ATP11A: variants seen among roughly 807,000 people sequenced by gnomAD.
ATP11A encodes phospholipid-transporting ATPase IH.
ATP11A carries 81 observed loss-of-function variants against 154.4 expected under a neutral mutation model. The ratio of observed to expected loss-of-function variants is 0.52; its 90% CI spans 0.44 to 0.63. The LOEUF (loss-of-function observed/expected upper bound fraction) is 0.63. ATP11A is among the 30% of genes least tolerant of loss of function. The pLI, the probability that ATP11A is intolerant of heterozygous loss-of-function variation, is 0.00. For synonymous variants in ATP11A, 623 were observed against 585.9 expected, an observed-to-expected ratio of 1.06 and a Z score of -0.91; for missense variants, 1,316 against 1,474.3, an observed-to-expected ratio of 0.89 and a Z score of 1.76.
chr13:112,805,087 C>A, intron 3 of ATP11A, 41 bp downstream of exon 3: 1 of 1,438,918 alleles, frequency 6.9e-7, no homozygotes. Context: ...ACATATAAAT[C>A]TAAATAAGTG....
In ATP11A at chr13:112,851,631, C is replaced by G. The variant is rs566056219; in HGVS notation, c.1991+413C>G. The G allele has an allele frequency of 1.9e-5, 3 of 155,542 alleles. No individual in the cohort carries two copies. In the South Asian group the frequency reaches 6.0e-4, roughly 31 times the overall value. The allele number at this position is 155,542 out of a possible 1,614,324, so 9.6% of individuals were successfully genotyped here. A position where few individuals can be genotyped will look rare whatever the true frequency, so the allele number is the denominator to read the frequency against. ...AAAACTCCTAGGCTCAAGCTGTCCT[C>G]CCTTCTCAGCCTCCTGAGTAGCTAG... On this transcript the variant is annotated intron_variant, in intron 18 of 29. Transcript: ENST00000375645.
intron 2 of ATP11A, among the ~76,000 whole-genome samples, chr13:112,795,400 A>G (rs1211687143): frequency 1.3e-5 from 2 of 152,178 alleles, no homozygotes; most frequent in Admixed American, 1.3e-4. Context: ...AACTTTCAAA[A>G]CCATAGAGAG....
chr13:112,873,215 G>T (rs2080594329), intron 26 of ATP11A, among the ~76,000 whole-genome samples: 2 of 145,836 alleles, frequency 1.4e-5, no homozygotes, highest in African/African-American at 2.7e-5. Context: ...TTGTCTTCCT[G>T]AGTGGTGTGA....
At chr13:112,820,926 G>T (rs1350319160) in intron 8 of ATP11A, among the ~76,000 whole-genome samples, 1 of 152,204 alleles carries the variant, frequency 6.6e-6, no homozygotes, top group African/African-American at 2.4e-5. Flanking sequence ...TTAGCTCCTT[G>T]TAAGTCTCCA....
intron 28 of ATP11A, among the ~76,000 whole-genome samples, chr13:112,876,399 C>CA (rs1241445114): frequency 6.6e-6 from 1 of 151,972 alleles, no homozygotes; most frequent in Non-Finnish European, 1.5e-5. Flanking sequence ...CCAGGGAAGA[C>CA]GTGACGATGC....
At position 112,769,820 on chromosome 13, in the gene ATP11A, G is replaced by T. The variant is rs1594622652; in HGVS notation, c.40-15315G>T. 2.6e-5 allele frequency among the ~76,000 whole-genome samples: 4 copies of T among 152,332 alleles called. 1 individual carries two copies. The highest frequency in any genetic ancestry group is 9.6e-5 in the African/African-American group (4 of 41,598). On this transcript the variant is annotated intron_variant, in intron 1 of 29. Coordinates refer to ENST00000375645, the MANE Select transcript of ATP11A (RefSeq NM_015205.3). Reference sequence around the variant, plus strand: ...CCGTGCTGAGGCCAGCCTCAGAGCCGCGGGGAAGCCAGGTCTGTCTGATCG... The same window carrying T: ...CCGTGCTGAGGCCAGCCTCAGAGCCTCGGGGAAGCCAGGTCTGTCTGATCG...
chr13:112,712,207 A>T (rs938630684), intron 1 of ATP11A, among the ~76,000 whole-genome samples: 12 of 152,144 alleles, frequency 7.9e-5, no homozygotes, highest in Admixed American at 6.5e-5. Flanking sequence ...TTCACGGTGA[A>T]ATGTGGCCGG....
At chr13:112,825,798 G>T (rs966092531) in intron 11 of ATP11A, among the ~76,000 whole-genome samples, 1 of 152,240 alleles carries the variant, frequency 6.6e-6, no homozygotes, top group African/African-American at 2.4e-5. Flanking sequence ...GGTTCCCACA[G>T]TGAAATCATC....
chr13:112,789,723 C>A (rs1204353015), intron 2 of ATP11A, among the ~76,000 whole-genome samples: 1 of 150,098 alleles, frequency 6.7e-6, no homozygotes, highest in Non-Finnish European at 1.5e-5. Flanking sequence ...TAATTCACAC[C>A]GGGTGTCCTG....
chr13:112,840,871 C>T (rs933053983), intron 16 of ATP11A, among the ~76,000 whole-genome samples: 3 of 152,120 alleles, frequency 2.0e-5, no homozygotes, highest in African/African-American at 4.8e-5. Context: ...ATGTCCCTCC[C>T]ACCACCACCC....
rs762645180 is a variant in ATP11A, at chr13:112,842,329, A to T, written c.1759A>T (p.Ile587Leu). 1.2e-5 allele frequency: 19 copies of T among 1,611,882 alleles called. No homozygotes were observed. The East Asian group carries it at 3.8e-4, about 32-fold the overall frequency. Residue 587 changes from isoleucine to leucine, a missense_variant, in exon 17 of 30, where the codon ATA (isoleucine) becomes TTA (leucine). Transcript: ENST00000375645. ...AGATTCTTCGATATTCCCCCGAGTG[A>T]TAGAAGGCAAAGTTGACCAGATCCG... ...GADSSIFPRVIEGKVDQIRAR... is the reference protein window; with the variant it reads ...GADSSIFPRVLEGKVDQIRAR...
chr13:112,742,886 A>C (rs772607310), intron 1 of ATP11A, among the ~76,000 whole-genome samples: 1 of 152,194 alleles, frequency 6.6e-6, no homozygotes, highest in African/African-American at 2.4e-5. Context: ...CTTTCTGCAG[A>C]TAGACACCTG....
chr13:112,845,875 G>A (rs1043317870), intron 17 of ATP11A, among the ~76,000 whole-genome samples: 2 of 151,760 alleles, frequency 1.3e-5, no homozygotes, highest in South Asian at 2.1e-4. Context: ...AGCAGCACTC[G>A]TTCATTTGCC....
intron 5 of ATP11A, among the ~76,000 whole-genome samples, chr13:112,814,661 A>G (rs1480292354): frequency 6.6e-6 from 1 of 152,088 alleles, no homozygotes; most frequent in Non-Finnish European, 1.5e-5. Flanking sequence ...CCAGTCAGTT[A>G]AACACATTTG....
At chr13:112,773,388 TG>T in intron 1 of ATP11A, among the ~76,000 whole-genome samples, 2 of 152,216 alleles carry the variant, frequency 1.3e-5, no homozygotes, top group Non-Finnish European at 2.9e-5. Context: ...CGCCTCTCTC[TG>T]TATCGACCAA....
At chr13:112,702,421 C>T (rs1886673157) in intron 1 of ATP11A, among the ~76,000 whole-genome samples, 1 of 152,204 alleles carries the variant, frequency 6.6e-6, no homozygotes, top group South Asian at 2.1e-4. Context: ...GCCCCGCCCC[C>T]CGCGTGTTCC....
intron 1 of ATP11A, among the ~76,000 whole-genome samples, chr13:112,700,594 A>G (rs530509585): frequency 2.0e-5 from 3 of 152,212 alleles, no homozygotes; most frequent in Non-Finnish European, 4.4e-5. Flanking sequence ...CGTGGTCTGC[A>G]CCCTGTGAAG....
At chr13:112,740,918 G>A (rs893466926) in intron 1 of ATP11A, among the ~76,000 whole-genome samples, 8 of 152,184 alleles carry the variant, frequency 5.3e-5, no homozygotes, top group Non-Finnish European at 8.8e-5. Flanking sequence ...TATTCAGGGC[G>A]GAATTTTCAC....
rs141858971 is a variant in ATP11A at position 112,754,568 on chromosome 13, GC to G, written c.40-30560del. On this transcript the variant is annotated intron_variant, in intron 1 of 29. Transcript: ENST00000375645. This position sits in a 1 kb window ranked among gnomAD's most constrained non-coding sequence, Gnocchi z 5.3. ...CACTGCGGCTCCTGTGCTCCACGCT[GC>G]CCCCCCGAGAGGCAGAACTTTCTCA... The G allele has an allele frequency of 2.5e-5, 4 of 158,618 alleles. No homozygotes were observed. Among genetic ancestry groups the G allele is most frequent in the East Asian group, 1.8e-4 (1 of 5,558 alleles). The allele number at this position is 158,618 out of a possible 1,614,324, so 9.8% of individuals were successfully genotyped here.
Sources: allele counts gnomAD v4.1 joint callset (sites outside exome capture counted in the v4.1 genomes callset), GRCh38; gene constraint gnomAD v4.1.1; non-coding constraint Gnocchi (gnomAD v3.1); transcripts MANE v1.5; gene names NCBI Gene and HGNC (gene_info 2026-07-23, HGNC 2026-07-21).